The following RNF217 variants were observed in gnomAD, a reference collection of about 807,000 sequenced individuals.
RNF217 encodes ring finger protein 217, also known as E3 ubiquitin-protein ligase RNF217.
A neutral mutation model predicts 57.8 loss-of-function variants in RNF217; 31 were observed. That is an observed-to-expected ratio of 0.54 (90% CI 0.40 to 0.72). The LOEUF is 0.72. Among genes scored for constraint, RNF217 ranks in the 30% least tolerant of loss-of-function variants. The pLI, the probability that RNF217 is intolerant of heterozygous loss-of-function variation, is 0.00. For synonymous variants in RNF217, 313 were observed against 294.0 expected (o/e 1.06, Z -0.66); for missense variants, 696 against 708.3 (o/e 0.98, Z 0.20).
chr6:125,055,525 C>G (rs1040359356), intron 2 of RNF217, among the ~76,000 whole-genome samples: 8 of 152,138 alleles, frequency 5.3e-5, no homozygotes, highest in Non-Finnish European at 1.2e-4. Flanking sequence ...AAATGTCTGA[C>G]ATTTATAGAG....
chr6:125,064,802 G>A (rs1787872187), intron 3 of RNF217, among the ~76,000 whole-genome samples: 1 of 151,850 alleles, frequency 6.6e-6, no homozygotes, highest in Non-Finnish European at 1.5e-5. Context: ...ATACTTGTAT[G>A]TATATACACA....
chr6:125,055,928 A>C (rs573216045), intron 2 of RNF217, among the ~76,000 whole-genome samples: 42 of 152,176 alleles, frequency 2.8e-4, no homozygotes, highest in Non-Finnish European at 5.4e-4. Context: ...AATTGTAATG[A>C]TCAAAAAGGA....
chr6:124,987,016 C>A (rs1186042545), intron 1 of RNF217, among the ~76,000 whole-genome samples: 2 of 152,126 alleles, frequency 1.3e-5, no homozygotes, highest in Non-Finnish European at 2.9e-5. Context: ...CATCTTTTCA[C>A]ACATACAGGT....
chr6:125,047,514 C>G (rs1371825348), intron 2 of RNF217, among the ~76,000 whole-genome samples: 1 of 152,124 alleles, frequency 6.6e-6, no homozygotes, highest in East Asian at 1.9e-4. Context: ...TCAGGCTTCT[C>G]CAATGTCTAT....
chr6:124,974,685 C>CA (rs2114998106), intron 1 of RNF217, among the ~76,000 whole-genome samples: 1 of 152,194 alleles, frequency 6.6e-6, no homozygotes, highest in South Asian at 2.1e-4. Flanking sequence ...GTTCATGTAA[C>CA]AGATTATTTT....
intron 5 of RNF217, chr6:125,082,563 TGTGA>T (rs754319081): frequency 9.3e-6 from 15 of 1,611,626 alleles, no homozygotes; most frequent in Non-Finnish European, 8.5e-7. Context: ...CTGAAACAAG[TGTGA>T]GTATCATAGT....
chr6:125,051,468 T>C (rs1286878314), intron 2 of RNF217, among the ~76,000 whole-genome samples: 1 of 152,054 alleles, frequency 6.6e-6, no homozygotes, highest in East Asian at 1.9e-4. Flanking sequence ...TACCTTTCCA[T>C]ATTTACTTAC....
chr6:125,019,845 GA>G (rs1210079334), intron 1 of RNF217, among the ~76,000 whole-genome samples: 3 of 150,820 alleles, frequency 2.0e-5, no homozygotes, highest in Non-Finnish European at 4.4e-5. Context: ...GGGGGGGAGT[GA>G]AAAAATCCTT....
rs142571984 is a variant in RNF217, at chr6:125,013,962, T to C, written c.883-31249T>C. Among the ~76,000 whole-genome samples, 425 of 152,344 alleles carry C rather than the reference T, an allele frequency of 2.8e-3. 2 individuals are homozygous for C. Among genetic ancestry groups the C allele is most frequent in the African/African-American group, 9.4e-3 (390 of 41,586 alleles). On this transcript the variant is annotated intron_variant, in intron 1 of 5. Coordinates refer to ENST00000521654, the MANE Select transcript of RNF217 (RefSeq NM_001286398.3). ...TGCCCCGCTGACTACATGTGCAAGTTATACTGTCATCCTGTCTCTGTTTAT... is the reference window on the plus strand; with the variant it reads ...TGCCCCGCTGACTACATGTGCAAGTCATACTGTCATCCTGTCTCTGTTTAT...
At chr6:125,014,795 A>C (rs1008727556) in intron 1 of RNF217, among the ~76,000 whole-genome samples, 15 of 152,182 alleles carry the variant, frequency 9.9e-5, no homozygotes, top group Non-Finnish European at 1.9e-4. Context: ...AAAAATAAAA[A>C]TTAATACCAT....
chr6:125,060,443 G>GTTAT (rs921862670), intron 3 of RNF217, among the ~76,000 whole-genome samples: 219 of 151,752 alleles, frequency 1.4e-3, no homozygotes, highest in African/African-American at 4.3e-3. Context: ...AGTAAATATT[G>GTTAT]TTATTTATTT....
rs772848444 is a variant in RNF217, at chr6:125,045,222, C to A, written c.894C>A (p.Gly298=). Residue 298 remains glycine, a synonymous_variant, in exon 2 of 6, where the codon GGC becomes GGA. Transcript: ENST00000521654. ...KVYLSAQVQL[G]QVEIKCPITE... ...CTTCCATCATGCAGGTACAACTTGGCCAAGTAGAAATCAAATGCCCCATCA... is the reference window on the plus strand; with the variant it reads ...CTTCCATCATGCAGGTACAACTTGGACAAGTAGAAATCAAATGCCCCATCA... 3.1e-6 allele frequency: 5 copies of A among 1,611,368 alleles called. No homozygotes were observed. Among genetic ancestry groups the A allele is most frequent in the Non-Finnish European group, 4.2e-6 (5 of 1,178,476 alleles).
At chr6:125,013,338 G>A (rs1213391290) in intron 1 of RNF217, among the ~76,000 whole-genome samples, 1 of 135,846 alleles carries the variant, frequency 7.4e-6, no homozygotes, top group African/African-American at 2.8e-5. Context: ...GTAGGTGCTT[G>A]CATGTTTTGT....
chr6:125,089,649 A>G lies in RNF217; in HGVS notation c.*6712A>G, dbSNP rs76344567. On this transcript the variant is annotated 3_prime_UTR_variant, in exon 6 of 6. Transcript: ENST00000521654. Reference sequence around the variant, plus strand: ...GTATAGATTCAGTACATAACAGGAAAGAAAAAGGGAGAGACAGACTTGAGT... The same window carrying G: ...GTATAGATTCAGTACATAACAGGAAGGAAAAAGGGAGAGACAGACTTGAGT... 252 of 152,298 alleles carry G rather than the reference A, an allele frequency of 1.7e-3. No homozygotes were observed. Among genetic ancestry groups the G allele is most frequent in the African/African-American group, 5.9e-3 (247 of 41,556 alleles). 9.4% of individuals were successfully genotyped at this position (152,298 alleles called of 1,614,324 possible).
chr6:125,031,636 C>T (rs1483186276), intron 1 of RNF217, among the ~76,000 whole-genome samples: 1 of 152,200 alleles, frequency 6.6e-6, no homozygotes, highest in East Asian at 1.9e-4. Context: ...TTCTCATCTC[C>T]ATCTGAGACC....
At chr6:125,048,329 T>G in intron 2 of RNF217, 1 of 1,226,968 alleles carries the variant, frequency 8.2e-7, no homozygotes, top group Non-Finnish European at 1.1e-6. Flanking sequence ...AGTTCCAAAT[T>G]GGTGTCATTT....
rs1295517501 is a variant in RNF217 at position 125,084,547 on chromosome 6, C to T, written c.*1610C>T. 6.6e-6 allele frequency: 1 copy of T among 151,976 alleles called. No homozygotes were observed. Among genetic ancestry groups the T allele is most frequent in the Non-Finnish European group, 1.5e-5 (1 of 67,902 alleles). The allele number at this position is 151,976 out of a possible 1,614,324, so 9.4% of individuals were successfully genotyped here. A position where few individuals can be genotyped will look rare whatever the true frequency, so the allele number is the denominator to read the frequency against. ...GATGATATGATAAAACATGCATTAA[C>T]ATGAGTAGTTTATTTTTGTTGGGCT... is the stretch of plus-strand genomic sequence containing the variant. On this transcript the variant is annotated 3_prime_UTR_variant, in exon 6 of 6. Coordinates refer to ENST00000521654, the MANE Select transcript of RNF217 (RefSeq NM_001286398.3).
At chr6:125,038,562 A>G (rs1367099163) in intron 1 of RNF217, among the ~76,000 whole-genome samples, 4 of 152,220 alleles carry the variant, frequency 2.6e-5, no homozygotes, top group Non-Finnish European at 5.9e-5. Context: ...TTAAGGATTC[A>G]TAATACCCAT....
chr6:125,076,585 T>C (rs1788382233), intron 3 of RNF217, 72 bp from the exon 4 acceptor site: 3 of 982,244 alleles, frequency 3.1e-6, no homozygotes, highest in African/African-American at 1.6e-5. Flanking sequence ...TGTTGTTTCA[T>C]AAAATTTGCG....
Sources: allele counts gnomAD v4.1 joint callset (sites outside exome capture counted in the v4.1 genomes callset), GRCh38; gene constraint gnomAD v4.1.1; transcripts MANE v1.5; gene names NCBI Gene and HGNC (gene_info 2026-07-23, HGNC 2026-07-21).